Variants in COL18A1 observed in about 807,000 individuals in gnomAD.
COL18A1 encodes the protein collagen type XVIII alpha 1 chain.
A neutral mutation model predicts 168.0 loss-of-function variants in COL18A1; 133 were observed. That is an observed-to-expected ratio of 0.79 (90% confidence interval 0.69 to 0.91). COL18A1 has a LOEUF of 0.91. COL18A1 is among the 40% of genes least tolerant of loss of function. The pLI is 0.00. For synonymous variants in COL18A1, 949 were observed against 809.0 expected (o/e 1.17, Z -2.94); for missense variants, 2,126 against 1,925.4 (o/e 1.10, Z -1.95).
At chr21:45,489,335 C>T in intron 18 of COL18A1, 151 bp from the exon 19 acceptor site, 3 of 725,256 alleles carry the variant, frequency 4.1e-6, no homozygotes, top group South Asian at 3.0e-5. Flanking sequence ...GCACAAGTTG[C>T]TCAGTGTCCC....
chr21:45,467,478 A>G, intron 2 of COL18A1: 1 of 962,250 alleles, frequency 1.0e-6, no homozygotes. Context: ...GGGAATCAGC[A>G]TGGGGGGGAT....
intron 2 of COL18A1, among the ~76,000 whole-genome samples, chr21:45,440,450 C>T (rs1001054686): frequency 3.3e-5 from 5 of 152,294 alleles, no homozygotes; most frequent in African/African-American, 9.6e-5. Flanking sequence ...GGTCCTGGGC[C>T]TCCGTGCCAT....
At chr21:45,474,012 T>A (rs1203109958) in intron 4 of COL18A1, 31 bp downstream of exon 4, 3 of 1,525,824 alleles carry the variant, frequency 2.0e-6, no homozygotes, top group Non-Finnish European at 2.7e-6. Flanking sequence ...GGGTGGGGTC[T>A]CCCCTCAATC....
chr21:45,455,903 G>A lies in COL18A1; in HGVS notation c.107-12339G>A, dbSNP rs200559406. 680 of 1,613,086 alleles carry A rather than the reference G, an allele frequency of 4.2e-4. 1 individual carries two copies. The highest frequency in any genetic ancestry group is 4.9e-4 in the Non-Finnish European group (575 of 1,180,016). On this transcript the variant is annotated intron_variant, in intron 2 of 41. Transcript: ENST00000651438. Reference sequence around the variant, plus strand: ...CGTGGCCAAAGGCATCCGGAGCTTCGTCCAGCTGTGGAATGACACTGTCCC... The same window carrying A: ...CGTGGCCAAAGGCATCCGGAGCTTCATCCAGCTGTGGAATGACACTGTCCC...
In COL18A1 at chr21:45,510,221, G is replaced by A. The variant is rs548296965; in HGVS notation, c.3653G>A (p.Arg1218His). The stretch of plus-strand genomic sequence containing the variant: ...CTGCAGGACCTGTACAGCATCGTGC[G>A]CCGTGCCGACCGCGCAGCCGTGCCC... ...SRLQDLYSIV[R>H]RADRAAVPIV... The change falls in exon 40 of 42, where the codon CGC becomes CAC. Residue 1218 changes from arginine (R) to histidine (H), a missense_variant. Transcript: ENST00000651438. 66 of 1,606,254 alleles carry A rather than the reference G, an allele frequency of 4.1e-5. No homozygotes were observed. The highest frequency in any genetic ancestry group is 1.2e-4 in the South Asian group (11 of 89,960).
intron 6 of COL18A1, 21 bp from the exon 7 acceptor site, chr21:45,477,390 C>T (rs1183543453): frequency 3.7e-6 from 6 of 1,606,342 alleles, no homozygotes; most frequent in Non-Finnish European, 5.1e-6. Context: ...TGACCGTGGC[C>T]ACCTCTGCTT....
At chr21:45,452,908 T>C (rs185069495) in intron 2 of COL18A1, among the ~76,000 whole-genome samples, 3 of 152,184 alleles carry the variant, frequency 2.0e-5, no homozygotes, top group Admixed American at 6.5e-5. Flanking sequence ...AGCATGTATG[T>C]ACATGTGTGT....
chr21:45,492,759 G>T (rs1602545188), intron 24 of COL18A1, 46 bp downstream of exon 24: 4 of 839,756 alleles, frequency 4.8e-6, no homozygotes, highest in Non-Finnish European at 6.8e-6. Context: ...GCTGGGGAGG[G>T]GTCTCCACCT....
chr21:45,496,534 C>A lies in COL18A1; in HGVS notation c.2543C>A (p.Pro848Gln). 1 of 1,528,652 alleles carries A rather than the reference C, an allele frequency of 6.5e-7. No individual in the cohort carries two copies. Among genetic ancestry groups the A allele is most frequent in the South Asian group, 1.1e-5 (1 of 89,446 alleles). The allele number at this position is 1,528,652 out of a possible 1,614,324, so 94.7% of individuals were successfully genotyped here. A position where few individuals can be genotyped will look rare whatever the true frequency, so the allele number is the denominator to read the frequency against. Residue 848 changes from proline (P) to glutamine (Q), a missense_variant, in exon 30 of 42, where the codon CCA (proline) becomes CAA (glutamine). Physicochemically the swap from Pro to Gln is moderately conservative, Grantham distance 76. Coordinates refer to ENST00000651438, the MANE Select transcript of COL18A1 (RefSeq NM_001379500.1). ...MPGPPGPPGPPGPPGTPVYDS... is the reference protein window; with the variant it reads ...MPGPPGPPGPQGPPGTPVYDS... ...GGCCCCCCAGGACCTCCAGGGCCCC[C>A]AGGCCCTCCAGGGACTCCTGTTTAC... is the stretch of plus-strand genomic sequence containing the variant.
At chr21:45,438,432 C>T (rs2034278623) in intron 2 of COL18A1, among the ~76,000 whole-genome samples, 1 of 152,262 alleles carries the variant, frequency 6.6e-6, no homozygotes, top group African/African-American at 2.4e-5. Context: ...GGACCCCGGA[C>T]CTGGCCTCTG....
chr21:45,479,499 T>C (rs375868132), intron 9 of COL18A1, among the ~76,000 whole-genome samples: 1 of 151,954 alleles, frequency 6.6e-6, no homozygotes, highest in African/African-American at 2.4e-5. Context: ...TGTGCACACA[T>C]GTGCACACCA....
intron 2 of COL18A1, 106 bp from the exon 3 acceptor site, chr21:45,468,136 C>T: frequency 8.0e-7 from 1 of 1,256,768 alleles, no homozygotes; most frequent in South Asian, 1.3e-5. Flanking sequence ...CCCTCCCAGA[C>T]TCAGTTTCTC....
At chr21:45,487,600 A>G in intron 17 of COL18A1, 91 bp downstream of exon 17, 4 of 1,544,274 alleles carry the variant, frequency 2.6e-6, no homozygotes, top group Non-Finnish European at 3.5e-6. Context: ...CCGGCCTTGC[A>G]TGGGATCGGA....
At chr21:45,459,718 A>C (rs115122570) in intron 2 of COL18A1, among the ~76,000 whole-genome samples, 4,331 of 152,248 alleles carry the variant, frequency 0.028, 214 homozygotes, top group African/African-American at 0.098. Context: ...GCCCCCTCAC[A>C]CGGGAGGGCC....
chr21:45,474,359 GGT>G (rs2035557306), intron 4 of COL18A1, among the ~76,000 whole-genome samples: 2 of 148,836 alleles, frequency 1.3e-5, no homozygotes, highest in African/African-American at 5.1e-5. Flanking sequence ...GTGTCTGTGT[GGT>G]GTGTCTGTCT....
rs1602632873 is a variant in COL18A1 at position 45,507,557 on chromosome 21, C to T, written c.3217-4C>T. On this transcript the variant is annotated splice_polypyrimidine_tract_variant and splice_region_variant and intron_variant, in intron 37 of 41. Coordinates refer to ENST00000651438, the MANE Select transcript of COL18A1 (RefSeq NM_001379500.1). Reference sequence around the variant, plus strand: ...TCCTGGGTGACCCTGCTGCTTTCTTCCAGCTGGAGGCCCGGACACCACTCC... The same window carrying T: ...TCCTGGGTGACCCTGCTGCTTTCTTTCAGCTGGAGGCCCGGACACCACTCC... The T allele has an allele frequency of 6.2e-7, 1 of 1,612,006 alleles. No individual in the cohort carries two copies. Among genetic ancestry groups the T allele is most frequent in the African/African-American group, 1.3e-5 (1 of 74,822 alleles).
chr21:45,488,311 A>T, intron 17 of COL18A1, 107 bp from the exon 18 acceptor site: 1 of 1,368,952 alleles, frequency 7.3e-7, no homozygotes, highest in Non-Finnish European at 1.0e-6. Context: ...CCTTTTACAC[A>T]CGTATTTTGA....
chr21:45,500,875 GGTGT>G (rs756570660), intron 32 of COL18A1, among the ~76,000 whole-genome samples: 26 of 14,234 alleles, frequency 1.8e-3, no homozygotes, highest in East Asian at 2.7e-3. Context: ...GGTGTGGTTT[GGTGT>G]GTGTGTGTTG....
chr21:45,460,146 G>A (rs543480151), intron 2 of COL18A1, among the ~76,000 whole-genome samples: 1 of 152,338 alleles, frequency 6.6e-6, no homozygotes, highest in Non-Finnish European at 1.5e-5. Flanking sequence ...GGGCCCAGCA[G>A]CCTGGCCCCA....
Sources: gnomAD v4.1 joint callset for allele counts (sites outside exome capture counted in the v4.1 genomes callset) on GRCh38, gnomAD v4.1.1 for gene constraint, MANE v1.5 for transcripts, NCBI Gene and HGNC (gene_info 2026-07-23, HGNC 2026-07-21) for gene names.